SYN2: variants seen among roughly 807,000 people sequenced by gnomAD.
SYN2 encodes the protein synapsin II.
Under a neutral mutation model 50.9 loss-of-function variants are expected in SYN2, and 19 were observed. The ratio of observed to expected loss-of-function variants is 0.37; its 90% CI spans 0.26 to 0.55. SYN2 has a LOEUF of 0.55. Ranked by LOEUF, SYN2 falls within the 20% of genes least tolerant of loss-of-function variation. The probability of loss-of-function intolerance (pLI) is 0.81; values close to 1 mark genes in which losing one functional copy is unlikely to be tolerated. For missense variants in SYN2, 587 were observed against 576.4 expected (o/e 1.02, Z -0.19); for synonymous variants, 255 against 224.9 (o/e 1.13, Z -1.20).
At chr3:12,188,071 G>C (rs1334916821) in intron 12 of SYN2, among the ~76,000 whole-genome samples, 2 of 152,220 alleles carry the variant, frequency 1.3e-5, no homozygotes, top group East Asian at 3.9e-4. Context: ...ACAGTTCAGA[G>C]TATGCAATCA....
At chr3:12,165,051 A>G (rs530981652) in intron 7 of SYN2, among the ~76,000 whole-genome samples, 2 of 141,846 alleles carry the variant, frequency 1.4e-5, no homozygotes, top group African/African-American at 2.6e-5. Flanking sequence ...CAGTGGTGCA[A>G]TCTCAGCTCA....
At chr3:12,154,553 CT>C in intron 5 of SYN2, 1 of 1,394,674 alleles carries the variant, frequency 7.2e-7, no homozygotes, top group South Asian at 1.4e-5. Flanking sequence ...TCCCCAATGA[CT>C]TTGGTGGCAG....
chr3:12,128,940 T>C (rs1457501103), intron 1 of SYN2, among the ~76,000 whole-genome samples: 1 of 152,188 alleles, frequency 6.6e-6, no homozygotes, highest in Non-Finnish European at 1.5e-5. Flanking sequence ...GGGCATGAGA[T>C]TGATACAGTG....
At chr3:12,008,789 G>A (rs542681878) in intron 1 of SYN2, among the ~76,000 whole-genome samples, 1 of 152,340 alleles carries the variant, frequency 6.6e-6, no homozygotes, top group Non-Finnish European at 1.5e-5. Context: ...CTCGGAACAA[G>A]TGAGGTTTTA....
chr3:12,054,126 G>A (rs1349472543), intron 1 of SYN2, among the ~76,000 whole-genome samples: 2 of 152,166 alleles, frequency 1.3e-5, no homozygotes, highest in Non-Finnish European at 1.5e-5. Context: ...TGGTCATTTG[G>A]CAGGTACACC....
At chr3:12,020,544 G>A (rs922034679) in intron 1 of SYN2, among the ~76,000 whole-genome samples, 22 of 152,098 alleles carry the variant, frequency 1.4e-4, no homozygotes, top group Non-Finnish European at 7.3e-5. Flanking sequence ...CCAGGATCCT[G>A]TGCTTTCCCC....
chr3:12,090,336 G>A (rs1423211657), intron 1 of SYN2, among the ~76,000 whole-genome samples: 4 of 151,324 alleles, frequency 2.6e-5, no homozygotes, highest in Admixed American at 1.3e-4. Flanking sequence ...ATGTATAAAC[G>A]AAACAGGTCA....
intron 1 of SYN2, among the ~76,000 whole-genome samples, chr3:12,127,530 C>G (rs996230337): frequency 2.6e-5 from 4 of 152,218 alleles, no homozygotes; most frequent in African/African-American, 9.6e-5. Context: ...TGTGGCATGA[C>G]TCTTCCAGAA....
chr3:12,084,637 C>T (rs1386794660), intron 1 of SYN2, among the ~76,000 whole-genome samples: 1 of 152,120 alleles, frequency 6.6e-6, no homozygotes, highest in African/African-American at 2.4e-5. Context: ...TATTCTAGTA[C>T]TGTGATGACA....
chr3:12,152,633 T>G (rs1280394056), intron 5 of SYN2, among the ~76,000 whole-genome samples: 1 of 152,120 alleles, frequency 6.6e-6, no homozygotes, highest in African/African-American at 2.4e-5. Context: ...TATCCTGAAA[T>G]TTGCCCTCAA....
Position 12,190,586 on chromosome 3 carries a change from G to C in SYN2, c.1710G>C (p.Arg570=). The change falls in exon 13 of 13, where the codon CGG becomes CGC. Residue 570 remains arginine, a synonymous_variant. Transcript: ENST00000621198. ...NEDEAKAETI[R]SLRKSFASLF... ...ATGAAGCCAAAGCAGAGACCATCCG[G>C]AGCTTGAGGAAGTCCTTTGCCAGCC... The C allele has an allele frequency of 1.2e-6, 2 of 1,613,166 alleles. No individual in the cohort carries two copies. The highest frequency in any genetic ancestry group is 1.7e-5 in the Admixed American group (1 of 59,902).
intron 3 of SYN2, among the ~76,000 whole-genome samples, chr3:12,143,009 G>C (rs980928692): frequency 6.6e-6 from 1 of 152,190 alleles, no homozygotes; most frequent in Non-Finnish European, 1.5e-5. Context: ...CCCTACAAGA[G>C]AAAATGGATG....
intron 1 of SYN2, among the ~76,000 whole-genome samples, chr3:12,013,221 A>G (rs960011893): frequency 3.9e-5 from 6 of 152,134 alleles, no homozygotes; most frequent in Non-Finnish European, 7.4e-5. Flanking sequence ...CTCCTGCCTC[A>G]GCCTCCCAAA....
intron 1 of SYN2, among the ~76,000 whole-genome samples, chr3:12,047,879 T>C (rs1179185858): frequency 4.6e-5 from 7 of 152,228 alleles, no homozygotes; most frequent in Non-Finnish European, 8.8e-5. Flanking sequence ...GCATTTAACC[T>C]GTTTTTTGCT....
At chr3:12,123,051 T>C (rs1696594625) in intron 1 of SYN2, among the ~76,000 whole-genome samples, 1 of 152,156 alleles carries the variant, frequency 6.6e-6, no homozygotes, top group South Asian at 2.1e-4. Flanking sequence ...TTACCCATGA[T>C]GCCTCTCAAA....
chr3:12,061,603 CTG>C (rs1218685080), intron 1 of SYN2, among the ~76,000 whole-genome samples: 20 of 151,994 alleles, frequency 1.3e-4, no homozygotes, highest in Non-Finnish European at 2.6e-4. Flanking sequence ...AGAAATAAAA[CTG>C]TCTTTGTTCA....
At chr3:12,176,268 A>G (rs747216476) in intron 10 of SYN2, among the ~76,000 whole-genome samples, 1 of 152,348 alleles carries the variant, frequency 6.6e-6, no homozygotes, top group East Asian at 1.9e-4. Context: ...CTTTCAGGCC[A>G]TGCCAGTAAA....
At chr3:12,040,808 G>A (rs1694595109) in intron 1 of SYN2, among the ~76,000 whole-genome samples, 1 of 152,144 alleles carries the variant, frequency 6.6e-6, no homozygotes, top group African/African-American at 2.4e-5. Flanking sequence ...GAGGAACTAA[G>A]GTGTTGATAG....
chr3:12,043,701 G>A (rs185546341), intron 1 of SYN2, among the ~76,000 whole-genome samples: 73 of 152,216 alleles, frequency 4.8e-4, no homozygotes, highest in Non-Finnish European at 9.4e-4. Flanking sequence ...TACTGGGTTG[G>A]TTAAAGAAAT....
Sources: allele counts gnomAD v4.1 joint callset (sites outside exome capture counted in the v4.1 genomes callset), GRCh38; gene constraint gnomAD v4.1.1; transcripts MANE v1.5; gene names NCBI Gene and HGNC (gene_info 2026-07-23, HGNC 2026-07-21).